Variants in PIK3R6 observed in about 807,000 individuals in gnomAD.
PIK3R6 encodes phosphoinositide 3-kinase regulatory subunit 6.
PIK3R6 carries 91 observed loss-of-function variants against 84.9 expected under a neutral mutation model. That is an observed-to-expected ratio of 1.07 (90% confidence interval 0.90 to 1.28). The LOEUF is 1.28. Ranked by LOEUF, PIK3R6 falls within the 50% of genes most tolerant of loss-of-function variation. The pLI is 0.00. For synonymous variants in PIK3R6, 416 were observed against 411.4 expected (o/e 1.01, Z -0.13); for missense variants, 996 against 985.1 (o/e 1.01, Z -0.15).
At position 8,819,034 on chromosome 17, in the gene PIK3R6, C is replaced by T. The variant is rs1438254466; in HGVS notation, c.1995+49G>A. 7.1e-6 allele frequency: 10 copies of T among 1,400,190 alleles called. No homozygotes were observed. In the Admixed American group the frequency reaches 1.6e-4, roughly 23 times the overall value. The allele number at this position is 1,400,190 out of a possible 1,614,324, so 86.7% of individuals were successfully genotyped here. A position where few individuals can be genotyped will look rare whatever the true frequency, so the allele number is the denominator to read the frequency against. On this transcript the variant is annotated intron_variant, in intron 18 of 19. Coordinates refer to ENST00000619866, the MANE Select transcript of PIK3R6 (RefSeq NM_001010855.4). ...TCCCCTCTGGGCTCCCAGCCACCTA[C>T]TGCTGTCCCAGCTGGCTGTCTCCCT...
rs530916280 is a variant in PIK3R6, at chr17:8,842,633, G to C, written c.14-2936C>G. ...TCTTTGCAATTAGCTCCCACCAAGA[G>C]TTTGCCATTATAGGTGAGTGTGTAT... On this transcript the variant is annotated intron_variant, in intron 2 of 19. Coordinates refer to ENST00000619866, the MANE Select transcript of PIK3R6 (RefSeq NM_001010855.4). The surrounding 1 kb of genome is among the most constrained non-coding windows in gnomAD (Gnocchi z 4.5). Among the ~76,000 whole-genome samples the C allele has an allele frequency of 1.9e-4, 29 of 152,218 alleles. No individual in the cohort carries two copies. The highest frequency in any genetic ancestry group is 3.4e-4 in the Non-Finnish European group (23 of 68,012).
chr17:8,854,305 T>C (rs2089067175), intron 1 of PIK3R6, among the ~76,000 whole-genome samples: 1 of 152,082 alleles, frequency 6.6e-6, no homozygotes, highest in Admixed American at 6.6e-5. Flanking sequence ...CACGCCACCA[T>C]GCCCAGGTAA....
At chr17:8,829,566 A>T in intron 10 of PIK3R6, 140 bp downstream of exon 10, 5 of 885,310 alleles carry the variant, frequency 5.6e-6, no homozygotes, top group Non-Finnish European at 8.7e-6. Context: ...TCATGCACAC[A>T]TACACACACA....
Position 8,803,512 on chromosome 17 carries a change from G to T in PIK3R6, c.2109-83C>A. On this transcript the variant is annotated intron_variant, in intron 19 of 19. Transcript: ENST00000619866. This position sits in a 1 kb window ranked among gnomAD's most constrained non-coding sequence, Gnocchi z 5.0. ...GCATTTGAAAGGCAGAGCTGTTATTGTAGGGCCTAGAGCTGTTATTGTAGG... is the reference window on the plus strand; with the variant it reads ...GCATTTGAAAGGCAGAGCTGTTATTTTAGGGCCTAGAGCTGTTATTGTAGG... 5 of 1,357,698 alleles carry T rather than the reference G, an allele frequency of 3.7e-6. No individual in the cohort carries two copies. Among genetic ancestry groups the T allele is most frequent in the Non-Finnish European group, 3.0e-6 (3 of 994,758 alleles). 84.1% of individuals were successfully genotyped at this position (1,357,698 alleles called of 1,614,324 possible).
chr17:8,807,601 T>C (rs1369185352), intron 18 of PIK3R6, among the ~76,000 whole-genome samples: 1 of 151,580 alleles, frequency 6.6e-6, no homozygotes, highest in Non-Finnish European at 1.5e-5. Context: ...AAAAAGAAGG[T>C]GGGCAGGTGG....
At chr17:8,847,994 C>G (rs191895806) in intron 2 of PIK3R6, among the ~76,000 whole-genome samples, 59 of 152,290 alleles carry the variant, frequency 3.9e-4, no homozygotes, top group Non-Finnish European at 7.6e-4. Context: ...CAGGTGCCTA[C>G]TTAGCTTCAG....
Position 8,839,548 on chromosome 17 carries a change from G to T in PIK3R6, c.97+66C>A. 7.5e-7 allele frequency: 1 copy of T among 1,325,536 alleles called. No individual in the cohort carries two copies. The highest frequency in any genetic ancestry group is 1.1e-6 in the Non-Finnish European group (1 of 950,862). The allele number at this position is 1,325,536 out of a possible 1,614,324, so 82.1% of individuals were successfully genotyped here. ...GGCCGGGGCTCTTTCCTGTATGCGC[G>T]TGTATTGTTGGCTGGGGTTGGGTGG... On this transcript the variant is annotated intron_variant, in intron 3 of 19. Transcript: ENST00000619866. This position sits in a 1 kb window ranked among gnomAD's most constrained non-coding sequence, Gnocchi z 4.2.
chr17:8,864,738 C>T (rs1237506865), intron 1 of PIK3R6, among the ~76,000 whole-genome samples: 6 of 151,834 alleles, frequency 4.0e-5, no homozygotes, highest in Non-Finnish European at 7.4e-5. Flanking sequence ...GGGGTTTCAC[C>T]GTGTTGGCCA....
chr17:8,845,663 T>C (rs2088798255), intron 2 of PIK3R6, among the ~76,000 whole-genome samples: 1 of 152,196 alleles, frequency 6.6e-6, no homozygotes, highest in Non-Finnish European at 1.5e-5. Flanking sequence ...CTCTTTAGTG[T>C]AGGCCAGGCA....
At position 8,828,616 on chromosome 17, in the gene PIK3R6, C is replaced by T. The variant is rs765231676; in HGVS notation, c.1264G>A (p.Gly422Arg). The T allele has an allele frequency of 7.4e-6, 12 of 1,613,324 alleles. No homozygotes were observed. The highest frequency in any genetic ancestry group is 3.3e-5 in the Admixed American group (2 of 59,972). Residue 422 changes from glycine to arginine, a missense_variant, in exon 11 of 20, where the codon GGA becomes AGA. Gly to Arg is a moderately radical substitution (Grantham distance 125). Coordinates refer to ENST00000619866, the MANE Select transcript of PIK3R6 (RefSeq NM_001010855.4). ...AGGCGCCCCAGCATCCTGTCATCTC[C>T]GAGCACAAGTACCCGGGCTGTGTGC... ...RLHTARVLVL[G>R]DDRMLGRLAQ...
rs9904394 is a variant in PIK3R6 at position 8,854,495 on chromosome 17, A to G, written c.-91-4610T>C. On this transcript the variant is annotated intron_variant, in intron 1 of 19. Coordinates refer to ENST00000619866, the MANE Select transcript of PIK3R6 (RefSeq NM_001010855.4). ...ACTATAAAGTTATTAGTGAAGGGCT[A>G]GACACATAAATCAATGGAACAGAAC... 8.1e-3 allele frequency among the ~76,000 whole-genome samples: 1,229 copies of G among 152,326 alleles called. 21 individuals are homozygous for G. The highest frequency in any genetic ancestry group is 0.028 in the African/African-American group (1,174 of 41,570).
chr17:8,820,604 G>A (rs1013670277), intron 17 of PIK3R6, among the ~76,000 whole-genome samples: 6 of 152,190 alleles, frequency 3.9e-5, no homozygotes, highest in Non-Finnish European at 7.4e-5. Flanking sequence ...GTGTTAAAGA[G>A]CTGCAGGTAA....
chr17:8,816,531 A>T (rs1356062070), intron 18 of PIK3R6, among the ~76,000 whole-genome samples: 1 of 152,228 alleles, frequency 6.6e-6, no homozygotes, highest in Non-Finnish European at 1.5e-5. Flanking sequence ...ATTTTAGGTT[A>T]AAAAAGCATC....
intron 1 of PIK3R6, among the ~76,000 whole-genome samples, chr17:8,861,136 C>G (rs867736681): frequency 6.7e-5 from 10 of 148,630 alleles, no homozygotes; most frequent in African/African-American, 2.5e-4. Flanking sequence ...GAGCCAAGAT[C>G]GCGCCACTGC....
At chr17:8,827,766 GAGA>G (rs1567583747) in intron 12 of PIK3R6, among the ~76,000 whole-genome samples, 7 of 56,422 alleles carry the variant, frequency 1.2e-4, no homozygotes, top group Non-Finnish European at 2.0e-4. Flanking sequence ...AGAGAGAGGA[GAGA>G]GAGAGAGAGA....
chr17:8,818,815 G>T (rs558793007), intron 18 of PIK3R6, among the ~76,000 whole-genome samples: 26 of 152,254 alleles, frequency 1.7e-4, no homozygotes, highest in Admixed American at 1.4e-3. Context: ...CAGTCATCTG[G>T]GTATGTCTTG....
Position 8,823,055 on chromosome 17 carries a change from G to A in PIK3R6, c.1658C>T (p.Thr553Ile). The A allele has an allele frequency of 6.2e-7, 1 of 1,610,070 alleles. No homozygotes were observed. Among genetic ancestry groups the A allele is most frequent in the Non-Finnish European group, 8.5e-7 (1 of 1,176,334 alleles). Residue 553 changes from threonine (T) to isoleucine (I), a missense_variant, in exon 15 of 20, where the codon ACT becomes ATT. Physicochemically the swap from Thr to Ile is moderately conservative, Grantham distance 89 (BLOSUM62 -1). Coordinates refer to ENST00000619866, the MANE Select transcript of PIK3R6 (RefSeq NM_001010855.4). ...IFFSDLSQDP[T>I]EDIFLIELKV... ...CAGTTCAATGAGGAAAATGTCCTCAGTAGGGTCTTGGCTCAGGTCACTGAA... is the reference window on the plus strand; with the variant it reads ...CAGTTCAATGAGGAAAATGTCCTCAATAGGGTCTTGGCTCAGGTCACTGAA...
At chr17:8,837,673 T>A in intron 5 of PIK3R6, 130 bp downstream of exon 5, 2 of 767,218 alleles carry the variant, frequency 2.6e-6, no homozygotes, top group South Asian at 1.7e-5. Flanking sequence ...CAGAAGCCAG[T>A]TTAGGGCAGG....
At chr17:8,808,163 G>A (rs998418912) in intron 18 of PIK3R6, among the ~76,000 whole-genome samples, 11 of 152,150 alleles carry the variant, frequency 7.2e-5, no homozygotes, top group African/African-American at 1.4e-4. Flanking sequence ...ACCATTAAAC[G>A]AGACAGGAGA....
Sources: allele counts gnomAD v4.1 joint callset (sites outside exome capture counted in the v4.1 genomes callset), GRCh38; gene constraint gnomAD v4.1.1; non-coding constraint Gnocchi (gnomAD v3.1); transcripts MANE v1.5; gene names NCBI Gene and HGNC (gene_info 2026-07-23, HGNC 2026-07-21).